Variants in HSD17B3 observed in about 807,000 individuals in gnomAD.
The protein encoded by HSD17B3 is hydroxysteroid 17-beta dehydrogenase 3.
In HSD17B3, 29 loss-of-function variants were observed where a neutral mutation model predicts 41.1. The ratio of observed to expected loss-of-function variants is 0.71; its 90% confidence interval spans 0.53 to 0.96. The LOEUF is 0.96. HSD17B3 is among the 40% of genes least tolerant of loss of function. The pLI is 0.00. For synonymous variants in HSD17B3, 126 were observed against 145.6 expected, an observed-to-expected ratio of 0.87 and a Z score of 0.97; for missense variants, 323 against 374.6, an observed-to-expected ratio of 0.86 and a Z score of 1.14.
intron 5 of HSD17B3, 32 bp from the exon 6 acceptor site, chr9:96,249,818 C>T (rs1319427477): frequency 1.9e-6 from 3 of 1,613,750 alleles, no homozygotes; most frequent in Non-Finnish European, 2.5e-6. Flanking sequence ...ACACATCAGC[C>T]GGATGATTAG....
chr9:96,277,631 G>T (rs527633746), intron 2 of HSD17B3, among the ~76,000 whole-genome samples: 4 of 151,830 alleles, frequency 2.6e-5, no homozygotes, highest in Admixed American at 6.6e-5. Context: ...ATGTAAATTG[G>T]TACAGCCATT....
chr9:96,258,930 T>C (rs894655006), intron 2 of HSD17B3, among the ~76,000 whole-genome samples: 12 of 152,220 alleles, frequency 7.9e-5, no homozygotes, highest in African/African-American at 2.7e-4. Context: ...CTGTCTTATG[T>C]AGCAGACCCT....
chr9:96,270,710 T>A (rs1192718455), intron 2 of HSD17B3, among the ~76,000 whole-genome samples: 2 of 152,254 alleles, frequency 1.3e-5, no homozygotes, highest in Admixed American at 6.5e-5. Flanking sequence ...GACTGCCCTG[T>A]CTGTCACACT....
chr9:96,286,639 A>G (rs373980531), intron 2 of HSD17B3, among the ~76,000 whole-genome samples: 59 of 152,070 alleles, frequency 3.9e-4, no homozygotes, highest in East Asian at 2.3e-3. Context: ...GCAGTGAGCC[A>G]AGACTGTGCC....
intron 2 of HSD17B3, among the ~76,000 whole-genome samples, chr9:96,295,385 A>G (rs1406751830): frequency 2.1e-5 from 3 of 143,046 alleles, no homozygotes; most frequent in Admixed American, 6.9e-5. Flanking sequence ...CCCAGGCTGG[A>G]GTGCAATGGC....
At chr9:96,298,234 T>C (rs372724237) in intron 2 of HSD17B3, among the ~76,000 whole-genome samples, 182 bp downstream of exon 2, 124 of 152,316 alleles carry the variant, frequency 8.1e-4, no homozygotes, top group African/African-American at 2.9e-3. Flanking sequence ...TATCATTGTG[T>C]TTAAAAAAAG....
At position 96,243,547 on chromosome 9, in the gene HSD17B3, T is replaced by C. The variant is rs572583675; in HGVS notation, c.672+782A>G. On this transcript the variant is annotated intron_variant, in intron 9 of 10. Coordinates refer to ENST00000375263, the MANE Select transcript of HSD17B3 (RefSeq NM_000197.2). Reference sequence around the variant, plus strand: ...AGCAATAATTTCCAAGATATAATTTTGAGTGTGCCTTTCTCCATTTCTAAT... The same window carrying C: ...AGCAATAATTTCCAAGATATAATTTCGAGTGTGCCTTTCTCCATTTCTAAT... Among the ~76,000 whole-genome samples the C allele has an allele frequency of 2.2e-4, 33 of 152,344 alleles. 1 individual carries two copies. Among genetic ancestry groups the C allele is most frequent in the Admixed American group, 9.2e-4 (14 of 15,296 alleles).
chr9:96,283,466 C>G (rs1426232856), intron 2 of HSD17B3, among the ~76,000 whole-genome samples: 1 of 152,100 alleles, frequency 6.6e-6, no homozygotes, highest in Non-Finnish European at 1.5e-5. Flanking sequence ...ATCAATAATG[C>G]ACTAATGCAA....
intron 3 of HSD17B3, among the ~76,000 whole-genome samples, chr9:96,253,656 A>G (rs573996182): frequency 1.3e-5 from 2 of 152,252 alleles, no homozygotes; most frequent in South Asian, 4.1e-4. Flanking sequence ...GTTTTCCGTC[A>G]GATGTGAAAG....
At chr9:96,240,945 C>T (rs370540208) in intron 9 of HSD17B3, 38 bp from the exon 10 acceptor site, 20 of 1,613,286 alleles carry the variant, frequency 1.2e-5, no homozygotes, top group Non-Finnish European at 1.7e-5. Flanking sequence ...CAGAAGCAAT[C>T]CACCCCAGGA....
At chr9:96,243,470 C>T (rs1423296678) in intron 9 of HSD17B3, among the ~76,000 whole-genome samples, 2 of 152,208 alleles carry the variant, frequency 1.3e-5, no homozygotes, top group East Asian at 3.8e-4. Context: ...TTTATAGGAA[C>T]AGCTGCCTAA....
intron 2 of HSD17B3, among the ~76,000 whole-genome samples, chr9:96,297,275 G>A (rs567965868): frequency 2.0e-5 from 3 of 149,948 alleles, no homozygotes; most frequent in African/African-American, 7.4e-5. Flanking sequence ...TGTATTTCTA[G>A]GATTACTTAT....
At chr9:96,265,080 A>C (rs771122990) in intron 2 of HSD17B3, among the ~76,000 whole-genome samples, 1 of 152,200 alleles carries the variant, frequency 6.6e-6, no homozygotes, top group Non-Finnish European at 1.5e-5. Flanking sequence ...TAGGCAGGTA[A>C]CTTTGCTGTT....
At chr9:96,247,623 C>T (rs773973368) in intron 6 of HSD17B3, among the ~76,000 whole-genome samples, 3 of 152,154 alleles carry the variant, frequency 2.0e-5, no homozygotes, top group African/African-American at 4.8e-5. Flanking sequence ...GGATGAGGGG[C>T]GAGATAGTGT....
chr9:96,297,323 T>C (rs1035856042), intron 2 of HSD17B3, among the ~76,000 whole-genome samples: 14 of 150,724 alleles, frequency 9.3e-5, no homozygotes, highest in Non-Finnish European at 2.1e-4. Flanking sequence ...CATTATATTT[T>C]TAAGGTGTTA....
chr9:96,276,973 G>A (rs753513197), intron 2 of HSD17B3, among the ~76,000 whole-genome samples: 196 of 152,252 alleles, frequency 1.3e-3, no homozygotes, highest in Non-Finnish European at 2.4e-3. Context: ...AGGCTGAGGT[G>A]GGTGAGTCAC....
At chr9:96,272,732 A>G (rs938446906) in intron 2 of HSD17B3, among the ~76,000 whole-genome samples, 3 of 151,896 alleles carry the variant, frequency 2.0e-5, no homozygotes, top group African/African-American at 4.8e-5. Flanking sequence ...AGAAAAATAA[A>G]GACTTATGTT....
rs75929489 is a variant in HSD17B3 at position 96,241,469 on chromosome 9, T to C, written c.673-562A>G. ...TCACACTTCAGTTAGGAACCAAGAG[T>C]AGCACATACCTCATAACCTCTTCCT... On this transcript the variant is annotated intron_variant, in intron 9 of 10. Transcript: ENST00000375263. Among the ~76,000 whole-genome samples, 6 of 152,158 alleles carry C rather than the reference T, an allele frequency of 3.9e-5. No homozygotes were observed. In the East Asian group the frequency reaches 1.2e-3, roughly 29 times the overall value.
chr9:96,243,258 G>T (rs1213432810), intron 9 of HSD17B3, among the ~76,000 whole-genome samples: 1 of 152,238 alleles, frequency 6.6e-6, no homozygotes, highest in Non-Finnish European at 1.5e-5. Flanking sequence ...CTTCAGCTGG[G>T]AGTGGGAGCA....
Sources: gnomAD v4.1 joint callset for allele counts (sites outside exome capture counted in the v4.1 genomes callset) on GRCh38, gnomAD v4.1.1 for gene constraint, MANE v1.5 for transcripts, NCBI Gene and HGNC (gene_info 2026-07-23, HGNC 2026-07-21) for gene names.